Variants in ELOVL6 observed in about 807,000 individuals in gnomAD.
ELOVL6 encodes ELOVL fatty acid elongase 6.
ELOVL6 carries 8 observed loss-of-function variants against 31.7 expected under a neutral mutation model. The ratio of observed to expected loss-of-function variants is 0.25; its 90% CI spans 0.15 to 0.45. ELOVL6 has a LOEUF of 0.45. ELOVL6 is among the 20% of genes least tolerant of loss of function. The probability of loss-of-function intolerance (pLI) is 1.00; values close to 1 mark genes in which losing one functional copy is unlikely to be tolerated. For missense variants in ELOVL6, 126 were observed against 326.4 expected, an observed-to-expected ratio of 0.39 and a Z score of 4.73; for synonymous variants, 101 against 117.7, an observed-to-expected ratio of 0.86 and a Z score of 0.92.
Position 110,126,479 on chromosome 4 carries a change from T to A in ELOVL6, c.90-20851A>T, listed in dbSNP as rs1306361947. Among the ~76,000 whole-genome samples the A allele has an allele frequency of 2.6e-5, 4 of 152,122 alleles. No individual in the cohort carries two copies. In the East Asian group the frequency reaches 7.7e-4, roughly 29 times the overall value. On this transcript the variant is annotated intron_variant, in intron 1 of 3. Transcript: ENST00000302274. ...GGGAGGCCTCCCAAGGAAGTATACA[T>A]ATGGATGGTAGTGAAAAATTTGATG...
At chr4:110,088,988 G>C (rs914416689) in intron 2 of ELOVL6, among the ~76,000 whole-genome samples, 2 of 152,260 alleles carry the variant, frequency 1.3e-5, no homozygotes, top group Non-Finnish European at 2.9e-5. Context: ...TACTGCACTC[G>C]TGTTTCATTG....
chr4:110,172,295 A>G (rs1758972198), intron 1 of ELOVL6, among the ~76,000 whole-genome samples: 1 of 152,176 alleles, frequency 6.6e-6, no homozygotes, highest in African/African-American at 2.4e-5. Context: ...AGAACAGAGG[A>G]AAAACAGTTT....
chr4:110,119,232 G>T (rs1202095481), intron 1 of ELOVL6, among the ~76,000 whole-genome samples: 8 of 152,070 alleles, frequency 5.3e-5, no homozygotes, highest in Non-Finnish European at 1.2e-4. Context: ...AGTATGTAGA[G>T]GTTGCAGTGA....
rs528663284 is a variant in ELOVL6, at chr4:110,052,767, G to C, written c.374-1005C>G. Among the ~76,000 whole-genome samples, 4 of 152,300 alleles carry C rather than the reference G, an allele frequency of 2.6e-5. No homozygotes were observed. The East Asian group carries it at 7.7e-4, about 29-fold the overall frequency. Reference sequence around the variant, plus strand: ...TATACCCAATTACATTAGCGAGTAAGAAAATAAGGGAAGTTACGCTAGGAT... The same window carrying C: ...TATACCCAATTACATTAGCGAGTAACAAAATAAGGGAAGTTACGCTAGGAT... On this transcript the variant is annotated intron_variant, in intron 3 of 3. Coordinates refer to ENST00000302274, the MANE Select transcript of ELOVL6 (RefSeq NM_024090.3).
At chr4:110,148,174 G>A (rs1434221620) in intron 1 of ELOVL6, among the ~76,000 whole-genome samples, 3 of 147,602 alleles carry the variant, frequency 2.0e-5, no homozygotes, top group Admixed American at 2.0e-4. Context: ...GGTAGGAACA[G>A]ACATTTTTCA....
At chr4:110,062,932 G>GAAGCAATATAAGTAAGGTATTTAGCT (rs1302165504) in intron 2 of ELOVL6, among the ~76,000 whole-genome samples, 6 of 152,132 alleles carry the variant, frequency 3.9e-5, no homozygotes, top group Admixed American at 3.9e-4. Flanking sequence ...TGAATTTTTT[G>GAAGCAATATAAGTAAGGTATTTAGCT]AAGCAATATA....
In ELOVL6 at chr4:110,051,311, G is replaced by A; in HGVS notation, c.*27C>T. On this transcript the variant is annotated 3_prime_UTR_variant, in exon 4 of 4. Coordinates refer to ENST00000302274, the MANE Select transcript of ELOVL6 (RefSeq NM_024090.3). This position sits in a 1 kb window ranked among gnomAD's most constrained non-coding sequence, Gnocchi z 4.8. ...CTATTATTTTTCTTGATGACCCTGAGCTATGGCTTCCTCCTCAGTTCCAAC... is the reference window on the plus strand; with the variant it reads ...CTATTATTTTTCTTGATGACCCTGAACTATGGCTTCCTCCTCAGTTCCAAC... 6.2e-7 allele frequency: 1 copy of A among 1,605,386 alleles called. No individual in the cohort carries two copies. Among genetic ancestry groups the A allele is most frequent in the Non-Finnish European group, 8.5e-7 (1 of 1,174,528 alleles).
intron 1 of ELOVL6, among the ~76,000 whole-genome samples, chr4:110,164,491 T>C (rs1236237221): frequency 6.6e-6 from 1 of 152,054 alleles, no homozygotes; most frequent in Non-Finnish European, 1.5e-5. Flanking sequence ...CACAGCCGGG[T>C]GAGGTGGCTC....
chr4:110,057,360 G>C (rs536806388), intron 3 of ELOVL6, among the ~76,000 whole-genome samples: 1 of 151,950 alleles, frequency 6.6e-6, no homozygotes, highest in Admixed American at 6.6e-5. Context: ...GTAGTAAAAG[G>C]TAGAAACTGT....
In ELOVL6 at chr4:110,065,190, C is replaced by T. The variant is rs1431630716; in HGVS notation, c.222-5436G>A. ...GTTGGGAGTTTCCTTTGGATATTTA[C>T]ATAAACAGATGTTGGAATTTTTAGA... On this transcript the variant is annotated intron_variant, in intron 2 of 3. Coordinates refer to ENST00000302274, the MANE Select transcript of ELOVL6 (RefSeq NM_024090.3). Among the ~76,000 whole-genome samples, 4 of 152,314 alleles carry T rather than the reference C, an allele frequency of 2.6e-5. 1 individual carries two copies. The highest frequency in any genetic ancestry group is 4.1e-4 in the South Asian group (2 of 4,830).
chr4:110,122,026 A>G (rs990009028), intron 1 of ELOVL6, among the ~76,000 whole-genome samples: 5 of 152,124 alleles, frequency 3.3e-5, no homozygotes, highest in Non-Finnish European at 7.4e-5. Flanking sequence ...ATGGCAGAAC[A>G]TACTGTAAGA....
chr4:110,148,441 T>G, intron 1 of ELOVL6, among the ~76,000 whole-genome samples: 1 of 132,756 alleles, frequency 7.5e-6, no homozygotes, highest in Admixed American at 8.8e-5. Flanking sequence ...GTTGAACTCA[T>G]GGAGATAGAG....
At chr4:110,094,454 CAT>C (rs1756521805) in intron 2 of ELOVL6, among the ~76,000 whole-genome samples, 6 of 73,956 alleles carry the variant, frequency 8.1e-5, no homozygotes, top group Non-Finnish European at 1.7e-4. Context: ...ATATATATAA[CAT>C]AATATATATT....
intron 3 of ELOVL6, among the ~76,000 whole-genome samples, chr4:110,052,800 A>G (rs1754868716): frequency 6.6e-6 from 1 of 152,258 alleles, no homozygotes; most frequent in Non-Finnish European, 1.5e-5. Context: ...GATGTGTGAC[A>G]GAAACAGGCT....
intron 1 of ELOVL6, among the ~76,000 whole-genome samples, chr4:110,152,984 A>G (rs985658105): frequency 2.0e-5 from 3 of 152,164 alleles, no homozygotes; most frequent in Non-Finnish European, 2.9e-5. Flanking sequence ...GAGTATAAAC[A>G]CTGGTCTATT....
intron 1 of ELOVL6, among the ~76,000 whole-genome samples, chr4:110,196,896 G>A (rs909214264): frequency 6.6e-6 from 1 of 152,194 alleles, no homozygotes; most frequent in Admixed American, 6.5e-5. Flanking sequence ...GGGAGGAGAA[G>A]GAAGCGGCGG....
At chr4:110,107,511 T>TC (rs1190606229) in intron 1 of ELOVL6, among the ~76,000 whole-genome samples, 1 of 152,152 alleles carries the variant, frequency 6.6e-6, no homozygotes, top group African/African-American at 2.4e-5. Context: ...TACATTTTCT[T>TC]CCCCCAGAAA....
Position 110,050,134 on chromosome 4 carries a change from G to A in ELOVL6, c.*1204C>T, listed in dbSNP as rs189032283. ...GTAGTATTGCCACTCAGCCAGCAGA[G>A]GGCCCTTTAAACACCTCTACATTGC... On this transcript the variant is annotated 3_prime_UTR_variant, in exon 4 of 4. Transcript: ENST00000302274. The A allele has an allele frequency of 7.9e-5, 12 of 152,640 alleles. No individual in the cohort carries two copies. Among genetic ancestry groups the A allele is most frequent in the African/African-American group, 2.6e-4 (11 of 41,534 alleles). The allele number at this position is 152,640 out of a possible 1,614,324, so 9.5% of individuals were successfully genotyped here.
intron 1 of ELOVL6, among the ~76,000 whole-genome samples, chr4:110,116,217 A>G (rs1757165645): frequency 1.3e-5 from 2 of 152,232 alleles, no homozygotes; most frequent in African/African-American, 4.8e-5. Flanking sequence ...ATATTCACAG[A>G]AGATGGGCAC....
Sources: gnomAD v4.1 joint callset for allele counts (sites outside exome capture counted in the v4.1 genomes callset) on GRCh38, gnomAD v4.1.1 for gene constraint, Gnocchi (gnomAD v3.1) non-coding constraint, MANE v1.5 for transcripts, NCBI Gene and HGNC (gene_info 2026-07-23, HGNC 2026-07-21) for gene names.